Variants in AP1G1 observed in about 807,000 individuals in gnomAD.
AP1G1 encodes the protein adaptor related protein complex 1 subunit gamma 1, also known as AP-1 complex subunit gamma-1.
In AP1G1, 7 loss-of-function variants were observed where a neutral mutation model predicts 108.3. The ratio of observed to expected loss-of-function variants is 0.06; its 90% CI spans 0.04 to 0.12. The LOEUF (loss-of-function observed/expected upper bound fraction) is 0.12, where lower values mean the gene tolerates loss of function less well. Among genes scored for constraint, AP1G1 ranks in the 10% least tolerant of loss-of-function variants. The pLI is 1.00. For missense variants in AP1G1, 756 were observed against 1,010.7 expected, an observed-to-expected ratio of 0.75 and a Z score of 3.42; for synonymous variants, 379 against 353.5, an observed-to-expected ratio of 1.07 and a Z score of -0.81.
intron 13 of AP1G1, 35 bp from the exon 14 acceptor site, chr16:71,750,367 A>G: frequency 6.2e-7 from 1 of 1,610,524 alleles, no homozygotes; most frequent in Non-Finnish European, 8.5e-7. Context: ...CCCTAGAAAC[A>G]CACAGAAATG....
At chr16:71,737,310 G>A (rs759874252) in intron 21 of AP1G1, among the ~76,000 whole-genome samples, 11 of 151,400 alleles carry the variant, frequency 7.3e-5, no homozygotes, top group South Asian at 2.1e-4. Flanking sequence ...TTTGGACAGC[G>A]TCTCACTCTA....
intron 19 of AP1G1, among the ~76,000 whole-genome samples, chr16:71,739,679 A>G (rs1004330694): frequency 1.3e-5 from 2 of 151,498 alleles, no homozygotes; most frequent in Non-Finnish European, 2.9e-5. Context: ...TGGAGCCTGG[A>G]AAGTTGAGGC....
intron 10 of AP1G1, among the ~76,000 whole-genome samples, chr16:71,759,834 TAA>T (rs1375255794): frequency 6.6e-6 from 1 of 151,986 alleles, no homozygotes; most frequent in Non-Finnish European, 1.5e-5. Flanking sequence ...CTCAATTCTT[TAA>T]AAGTTTTCCA....
chr16:71,759,659 C>T (rs2030982336), intron 10 of AP1G1, among the ~76,000 whole-genome samples: 1 of 151,622 alleles, frequency 6.6e-6, no homozygotes, highest in African/African-American at 2.4e-5. Flanking sequence ...ACTCAGGAGG[C>T]TGAGGCAGGA....
intron 4 of AP1G1, among the ~76,000 whole-genome samples, chr16:71,772,421 G>A (rs2031612300): frequency 6.6e-6 from 1 of 152,126 alleles, no homozygotes; most frequent in Non-Finnish European, 1.5e-5. Context: ...GAGCCACCAT[G>A]CCCAGCCTAT....
chr16:71,801,267 A>G (rs143546757), intron 1 of AP1G1, among the ~76,000 whole-genome samples: 125 of 152,060 alleles, frequency 8.2e-4, no homozygotes, highest in African/African-American at 2.7e-3. Context: ...GTGACAGGGT[A>G]AGACTCCATC....
rs865893717 is a variant in AP1G1, at chr16:71,774,083, C to A, written c.326+385G>T. 2.4e-3 allele frequency among the ~76,000 whole-genome samples: 307 copies of A among 125,620 alleles called. 1 individual carries two copies. Among genetic ancestry groups the A allele is most frequent in the Non-Finnish European group, 3.0e-3 (179 of 59,340 alleles). The allele number at this position is 125,620 out of a possible 152,430, so 82.4% of individuals were successfully genotyped here. A position where few individuals can be genotyped will look rare whatever the true frequency, so the allele number is the denominator to read the frequency against. Reference sequence around the variant, plus strand: ...TCTCAAAAAGAAAAAAAAAAAAAAACCAGAACAAAGTAGGCCAGGCACAGT... The same window carrying A: ...TCTCAAAAAGAAAAAAAAAAAAAAAACAGAACAAAGTAGGCCAGGCACAGT... On this transcript the variant is annotated intron_variant, in intron 3 of 22. Coordinates refer to ENST00000299980, the MANE Select transcript of AP1G1 (RefSeq NM_001128.6).
At chr16:71,759,697 T>C (rs960611915) in intron 10 of AP1G1, among the ~76,000 whole-genome samples, 1 of 151,414 alleles carries the variant, frequency 6.6e-6, no homozygotes, top group African/African-American at 2.4e-5. Flanking sequence ...GAGGTGGAGC[T>C]TGCAGTCAGC....
rs778701059 is a variant in AP1G1 at position 71,808,805 on chromosome 16, G to C, written c.-46C>G. The C allele has an allele frequency of 3.1e-6, 4 of 1,289,590 alleles. No individual in the cohort carries two copies. The highest frequency in any genetic ancestry group is 2.5e-5 in the South Asian group (2 of 81,020). 79.9% of individuals were successfully genotyped at this position (1,289,590 alleles called of 1,614,324 possible). A position where few individuals can be genotyped will look rare whatever the true frequency, so the allele number is the denominator to read the frequency against. On this transcript the variant is annotated 5_prime_UTR_variant, in exon 1 of 23. Coordinates refer to ENST00000299980, the MANE Select transcript of AP1G1 (RefSeq NM_001128.6). ...TGAAACCAGCAGCTCCGGGGGCGGC[G>C]GCAGCAGTGGCAGCAGGAACCGAAC... is the stretch of plus-strand genomic sequence containing the variant.
chr16:71,794,842 T>C (rs1385291765), intron 1 of AP1G1, among the ~76,000 whole-genome samples: 2 of 138,966 alleles, frequency 1.4e-5, no homozygotes, highest in African/African-American at 5.4e-5. Context: ...GTGCTTTTTT[T>C]TTTTTTTTTT....
rs1356841673 is a variant in AP1G1, at chr16:71,731,100, T to A, written c.*1958A>T. ...TTCACAGCATTAAGTATCCATCCAA[T>A]GAAATCAGTCTGCAAAGAAACCCTT... is the stretch of plus-strand genomic sequence containing the variant. On this transcript the variant is annotated 3_prime_UTR_variant, in exon 23 of 23. Transcript: ENST00000299980. The A allele has an allele frequency of 2.0e-5, 3 of 152,622 alleles. No individual in the cohort carries two copies. Among genetic ancestry groups the A allele is most frequent in the African/African-American group, 7.2e-5 (3 of 41,472 alleles). 9.5% of individuals were successfully genotyped at this position (152,622 alleles called of 1,614,324 possible).
intron 2 of AP1G1, among the ~76,000 whole-genome samples, chr16:71,776,330 C>G (rs2031779372): frequency 6.6e-6 from 1 of 152,116 alleles, no homozygotes. Flanking sequence ...GGAACATAAC[C>G]AGGATCAAAA....
At chr16:71,758,225 T>C (rs991132778) in intron 11 of AP1G1, among the ~76,000 whole-genome samples, 1 of 152,228 alleles carries the variant, frequency 6.6e-6, no homozygotes, top group Non-Finnish European at 1.5e-5. Flanking sequence ...TTAGCTAAGT[T>C]CTACATATTC....
intron 1 of AP1G1, among the ~76,000 whole-genome samples, chr16:71,793,685 GT>G (rs2032482179): frequency 6.6e-6 from 1 of 152,086 alleles, no homozygotes. Context: ...TTTTGTTGTT[GT>G]TTTTTGCTTT....
At chr16:71,736,737 C>T (rs2045552901) in intron 21 of AP1G1, among the ~76,000 whole-genome samples, 1 of 147,530 alleles carries the variant, frequency 6.8e-6, no homozygotes, top group African/African-American at 2.5e-5. Flanking sequence ...AGGCGCCCGC[C>T]ACCACGCCCG....
In AP1G1 at chr16:71,777,605, A is replaced by C. The variant is rs1036535331; in HGVS notation, c.202-3013T>G. ...ATCCCCAGCCTGTTGGCAGGCGGTC[A>C]TGCCGATGCCCCATTCTGTCTTCTA... is the stretch of plus-strand genomic sequence containing the variant. On this transcript the variant is annotated intron_variant, in intron 2 of 22. Transcript: ENST00000299980. The C allele has an allele frequency of 1.3e-4, 53 of 410,520 alleles. 1 individual carries two copies. In the Admixed American group the frequency reaches 1.3e-3, roughly 10 times the overall value. 25.4% of individuals were successfully genotyped at this position (410,520 alleles called of 1,614,324 possible).
intron 1 of AP1G1, among the ~76,000 whole-genome samples, chr16:71,799,739 A>C (rs1729116904): frequency 6.6e-6 from 1 of 151,532 alleles, no homozygotes; most frequent in African/African-American, 2.4e-5. Context: ...TTCTACTAAA[A>C]ATACAGAAAA....
At chr16:71,746,369 G>C (rs904813509) in intron 17 of AP1G1, among the ~76,000 whole-genome samples, 2 of 152,224 alleles carry the variant, frequency 1.3e-5, no homozygotes, top group Non-Finnish European at 2.9e-5. Flanking sequence ...CAAAAAAAGT[G>C]TAAGTGTTGG....
intron 6 of AP1G1, among the ~76,000 whole-genome samples, chr16:71,767,672 A>C (rs2031371149): frequency 6.6e-6 from 1 of 152,218 alleles, no homozygotes; most frequent in Non-Finnish European, 1.5e-5. Flanking sequence ...ACTGAAATCC[A>C]AGGCTGACTT....
Sources: gnomAD v4.1 joint callset for allele counts (sites outside exome capture counted in the v4.1 genomes callset) on GRCh38, gnomAD v4.1.1 for gene constraint, MANE v1.5 for transcripts, NCBI Gene and HGNC (gene_info 2026-07-23, HGNC 2026-07-21) for gene names.